Variants in PRKCZ observed in about 807,000 individuals in gnomAD.
PRKCZ encodes protein kinase C zeta type.
PRKCZ carries 33 observed loss-of-function variants against 79.5 expected under a neutral mutation model. That is an observed-to-expected ratio of 0.41 (90% CI 0.31 to 0.55). The LOEUF (loss-of-function observed/expected upper bound fraction) is 0.55, where lower values mean the gene tolerates loss of function less well. Among genes scored for constraint, PRKCZ ranks in the 20% least tolerant of loss-of-function variants. The probability of loss-of-function intolerance (pLI) is 0.19; values close to 1 mark genes in which losing one functional copy is unlikely to be tolerated. For missense variants in PRKCZ, 578 were observed against 813.5 expected, an observed-to-expected ratio of 0.71 and a Z score of 3.52; for synonymous variants, 342 against 320.9, an observed-to-expected ratio of 1.07 and a Z score of -0.70.
chr1:2,058,634 A>AC (rs1660403615), intron 3 of PRKCZ, among the ~76,000 whole-genome samples: 1 of 152,146 alleles, frequency 6.6e-6, no homozygotes, highest in African/African-American at 2.4e-5. Flanking sequence ...AGTGGCACAC[A>AC]CTTGTAATCC....
Position 2,125,745 on chromosome 1 carries a change from A to G in PRKCZ, c.335-9517A>G, listed in dbSNP as rs1360272499. On this transcript the variant is annotated intron_variant, in intron 4 of 17. Coordinates refer to ENST00000378567, the MANE Select transcript of PRKCZ (RefSeq NM_002744.6). The surrounding 1 kb of genome is among the most constrained non-coding windows in gnomAD (Gnocchi z 4.2). ...GCGGAGGGCAGCGCCAGGTTTCCCA[A>G]TCAGATTTGCTCAGGGTCCCTCCAG... 6.6e-6 allele frequency among the ~76,000 whole-genome samples: 1 copy of G among 152,206 alleles called. No homozygotes were observed. Among genetic ancestry groups the G allele is most frequent in the Admixed American group, 6.5e-5 (1 of 15,290 alleles).
chr1:2,118,713 CTGTGTGTGTGTGTGTG>C (rs770283606), intron 4 of PRKCZ, among the ~76,000 whole-genome samples: 1 of 120,626 alleles, frequency 8.3e-6, no homozygotes, highest in Non-Finnish European at 1.7e-5. Context: ...CACACCAGCT[CTGTGTGTGTGTGTGTG>C]TGTGTGTGTG....
At chr1:2,171,031 A>G (rs1364461963) in intron 11 of PRKCZ, among the ~76,000 whole-genome samples, 1 of 152,142 alleles carries the variant, frequency 6.6e-6, no homozygotes, top group Non-Finnish European at 1.5e-5. Flanking sequence ...TGCTAACCAC[A>G]TAAGAATTCC....
chr1:2,081,472 C>T (rs114921669), intron 4 of PRKCZ, among the ~76,000 whole-genome samples: 2,594 of 152,240 alleles, frequency 0.017, 68 homozygotes, highest in African/African-American at 0.059. Context: ...TGGGCATGGA[C>T]CCCCAGAAGG....
chr1:2,115,450 C>T (rs1468217967), intron 4 of PRKCZ, among the ~76,000 whole-genome samples: 1 of 152,250 alleles, frequency 6.6e-6, no homozygotes, highest in African/African-American at 2.4e-5. Flanking sequence ...GTTTCTGCCT[C>T]CAGTTATGTG....
In PRKCZ at chr1:2,185,280, A is replaced by G; in HGVS notation, c.*271A>G. ...CGGGGACCCTGCCGAGGGGGCTGTC[A>G]TGCGGTTTCCAAGGTGCACATTTTC... On this transcript the variant is annotated 3_prime_UTR_variant, in exon 18 of 18. Coordinates refer to ENST00000378567, the MANE Select transcript of PRKCZ (RefSeq NM_002744.6). 3 of 717,894 alleles carry G rather than the reference A, an allele frequency of 4.2e-6. No individual in the cohort carries two copies. Among genetic ancestry groups the G allele is most frequent in the East Asian group, 2.7e-5 (1 of 37,280 alleles). The allele number at this position is 717,894 out of a possible 1,614,324, so 44.5% of individuals were successfully genotyped here.
At chr1:2,143,002 C>T (rs890541710) in intron 5 of PRKCZ, 2 of 151,482 alleles carry the variant, frequency 1.3e-5, no homozygotes, top group Admixed American at 1.3e-4. Flanking sequence ...GCAGGCGGTT[C>T]ACAGTACACT....
At chr1:2,076,145 G>A (rs1313168909) in intron 4 of PRKCZ, among the ~76,000 whole-genome samples, 2 of 152,304 alleles carry the variant, frequency 1.3e-5, no homozygotes, top group East Asian at 3.9e-4. Flanking sequence ...CAGTGCCATC[G>A]AGGGGAAGCC....
Position 2,175,482 on chromosome 1 carries a change from A to G in PRKCZ, c.1575+169A>G, listed in dbSNP as rs540578371. The stretch of plus-strand genomic sequence containing the variant: ...TCATCCAACCCTCACCCCACCACCA[A>G]CCCAACCCCCAGCCCAACTCCCACC... On this transcript the variant is annotated intron_variant, in intron 16 of 17. Transcript: ENST00000378567. Among the ~76,000 whole-genome samples the G allele has an allele frequency of 4.9e-3, 508 of 103,102 alleles. 6 individuals are homozygous for G. Among genetic ancestry groups the G allele is most frequent in the African/African-American group, 0.019 (474 of 25,510 alleles). 67.6% of individuals were successfully genotyped at this position (103,102 alleles called of 152,430 possible).
In PRKCZ at chr1:2,168,167, G is replaced by A. The variant is rs1683704241; in HGVS notation, c.975-1351G>A. On this transcript the variant is annotated intron_variant, in intron 10 of 17. Coordinates refer to ENST00000378567, the MANE Select transcript of PRKCZ (RefSeq NM_002744.6). The surrounding 1 kb of genome is among the most constrained non-coding windows in gnomAD (Gnocchi z 4.7). ...GAAGGGCCCAAGAGTAGACATTTTTGGCTTTGCGGCCACAGGGTCTCTGTT... is the reference window on the plus strand; with the variant it reads ...GAAGGGCCCAAGAGTAGACATTTTTAGCTTTGCGGCCACAGGGTCTCTGTT... Among the ~76,000 whole-genome samples the A allele has an allele frequency of 6.6e-6, 1 of 152,154 alleles. No individual in the cohort carries two copies. Among genetic ancestry groups the A allele is most frequent in the African/African-American group, 2.4e-5 (1 of 41,426 alleles).
In PRKCZ at chr1:2,127,666, A is replaced by G. The variant is rs1334279768; in HGVS notation, c.335-7596A>G. 6.6e-6 allele frequency among the ~76,000 whole-genome samples: 1 copy of G among 152,114 alleles called. No individual in the cohort carries two copies. Among genetic ancestry groups the G allele is most frequent in the Middle Eastern group, 3.2e-3 (1 of 316 alleles). Reference sequence around the variant, plus strand: ...TGTAGCCGAGGCTCAGGGGCTCCACACCAGGCAAATAGGCGAACGGCGTCT... The same window carrying G: ...TGTAGCCGAGGCTCAGGGGCTCCACGCCAGGCAAATAGGCGAACGGCGTCT... On this transcript the variant is annotated intron_variant, in intron 4 of 17. Coordinates refer to ENST00000378567, the MANE Select transcript of PRKCZ (RefSeq NM_002744.6). This position sits in a 1 kb window ranked among gnomAD's most constrained non-coding sequence, Gnocchi z 5.1.
intron 4 of PRKCZ, chr1:2,134,929 C>G (rs779591423): frequency 4.3e-5 from 8 of 184,866 alleles, no homozygotes; most frequent in Non-Finnish European, 9.1e-5. Context: ...AGGGGACAGA[C>G]GGACCCGGCC....
At position 2,172,502 on chromosome 1, in the gene PRKCZ, C is replaced by T; in HGVS notation, c.1285+114C>T. On this transcript the variant is annotated intron_variant, in intron 13 of 17. Coordinates refer to ENST00000378567, the MANE Select transcript of PRKCZ (RefSeq NM_002744.6). This position sits in a 1 kb window ranked among gnomAD's most constrained non-coding sequence, Gnocchi z 7.8. ...GACCATCTTACACCCAAAAGCCACA[C>T]ACTGTCTTTCCCAGCCGGATGTCAT... is the stretch of plus-strand genomic sequence containing the variant. 2 of 1,163,122 alleles carry T rather than the reference C, an allele frequency of 1.7e-6. No individual in the cohort carries two copies. Among genetic ancestry groups the T allele is most frequent in the East Asian group, 5.2e-5 (2 of 38,718 alleles). The allele number at this position is 1,163,122 out of a possible 1,614,324, so 72.1% of individuals were successfully genotyped here.
At chr1:2,145,139 G>A (rs554636999) in intron 6 of PRKCZ, 1 of 152,458 alleles carries the variant, frequency 6.6e-6, no homozygotes, top group African/African-American at 2.4e-5. Flanking sequence ...GCTGGTGCAT[G>A]CGTTGGCACA....
chr1:2,059,538 C>T lies in PRKCZ; in HGVS notation c.284-3C>T. On this transcript the variant is annotated splice_polypyrimidine_tract_variant and splice_region_variant and intron_variant, in intron 3 of 17. Transcript: ENST00000378567. ...ACGCTGTCTCTTTCTCTCTCTTGTC[C>T]AGTTTTCCCGAGCACCCCTGAGCAG... 1 of 1,614,172 alleles carries T rather than the reference C, an allele frequency of 6.2e-7. No individual in the cohort carries two copies. Among genetic ancestry groups the T allele is most frequent in the Non-Finnish European group, 8.5e-7 (1 of 1,179,992 alleles).
intron 16 of PRKCZ, chr1:2,182,730 G>C (rs1255600084): frequency 1.3e-5 from 2 of 154,804 alleles, no homozygotes; most frequent in African/African-American, 4.8e-5. Flanking sequence ...TGAGGCTGGA[G>C]TCAGTGGGTG....
At chr1:2,123,732 T>C (rs199907630) in intron 4 of PRKCZ, among the ~76,000 whole-genome samples, 65 of 23,194 alleles carry the variant, frequency 2.8e-3, no homozygotes, top group Middle Eastern at 0.025. Context: ...AGGGTCACGG[T>C]GGTGGTTAGG....
rs1238178309 is a variant in PRKCZ at position 2,094,078 on chromosome 1, A to G, written c.334+34487A>G. On this transcript the variant is annotated intron_variant, in intron 4 of 17. Transcript: ENST00000378567. This position sits in a 1 kb window ranked among gnomAD's most constrained non-coding sequence, Gnocchi z 7.3. ...GTGACCCTCCTGTTTGTCCTGTCCT[A>G]GCGCAGCCACATCCCTTGGGAGCCT... 1.3e-5 allele frequency among the ~76,000 whole-genome samples: 2 copies of G among 152,082 alleles called. No individual in the cohort carries two copies. The highest frequency in any genetic ancestry group is 2.9e-5 in the Non-Finnish European group (2 of 68,000).
intron 4 of PRKCZ, among the ~76,000 whole-genome samples, chr1:2,071,143 G>A (rs967723716): frequency 2.6e-5 from 4 of 151,964 alleles, no homozygotes; most frequent in African/African-American, 4.8e-5. Flanking sequence ...GGGAGCCTGC[G>A]CTGTGACTTC....
Sources: gnomAD v4.1 joint callset for allele counts (sites outside exome capture counted in the v4.1 genomes callset) on GRCh38, gnomAD v4.1.1 for gene constraint, Gnocchi (gnomAD v3.1) non-coding constraint, MANE v1.5 for transcripts, NCBI Gene and HGNC (gene_info 2026-07-23, HGNC 2026-07-21) for gene names.